CDKAL1: variants seen among roughly 807,000 people sequenced by gnomAD.
CDKAL1 encodes threonylcarbamoyladenosine tRNA methylthiotransferase.
Under a neutral mutation model 68.2 loss-of-function variants are expected in CDKAL1, and 32 were observed. The ratio of observed to expected loss-of-function variants is 0.47; its 90% CI spans 0.35 to 0.63. The LOEUF is 0.63. Among genes scored for constraint, CDKAL1 ranks in the 30% least tolerant of loss-of-function variants. CDKAL1 has a pLI of 0.00. For synonymous variants in CDKAL1, 234 were observed against 244.3 expected (o/e 0.96, Z 0.39); for missense variants, 606 against 696.7 (o/e 0.87, Z 1.47).
chr6:20,682,008 A>C (rs1770399414), intron 5 of CDKAL1, among the ~76,000 whole-genome samples: 1 of 152,234 alleles, frequency 6.6e-6, no homozygotes, highest in Non-Finnish European at 1.5e-5. Context: ...ACACAGTGGA[A>C]GGGGCAAGGC....
intron 9 of CDKAL1, among the ~76,000 whole-genome samples, chr6:20,896,373 C>T (rs1015095712): frequency 6.6e-6 from 1 of 152,136 alleles, no homozygotes; most frequent in East Asian, 1.9e-4. Context: ...GCTGGGATTA[C>T]AGGTGTGAGC....
chr6:20,796,868 T>TA (rs1304612226), intron 8 of CDKAL1, among the ~76,000 whole-genome samples: 5 of 152,180 alleles, frequency 3.3e-5, no homozygotes, highest in African/African-American at 7.2e-5. Flanking sequence ...ATGTAAAATG[T>TA]AAAACCTTTT....
At chr6:21,006,559 C>T (rs1435764237) in intron 11 of CDKAL1, among the ~76,000 whole-genome samples, 1 of 152,144 alleles carries the variant, frequency 6.6e-6, no homozygotes, top group East Asian at 1.9e-4. Flanking sequence ...AAGTTCTTTT[C>T]CCTTCTCTCC....
At chr6:20,903,749 A>T (rs1209695465) in intron 9 of CDKAL1, among the ~76,000 whole-genome samples, 1 of 152,212 alleles carries the variant, frequency 6.6e-6, no homozygotes, top group East Asian at 1.9e-4. Context: ...TTGTTTTTTC[A>T]TAATAAACAT....
intron 8 of CDKAL1, among the ~76,000 whole-genome samples, chr6:20,829,086 T>C (rs1581659084): frequency 6.6e-6 from 1 of 152,226 alleles, no homozygotes; most frequent in Non-Finnish European, 1.5e-5. Context: ...CATCTGTTGA[T>C]TGACATTTGG....
chr6:20,599,329 A>T (rs1272498615), intron 4 of CDKAL1: 1 of 452,284 alleles, frequency 2.2e-6, no homozygotes, highest in African/African-American at 2.0e-5. Context: ...TTATTGTTAT[A>T]CTTGGAAATA....
At chr6:20,897,652 C>A (rs112023474) in intron 9 of CDKAL1, among the ~76,000 whole-genome samples, 1 of 151,880 alleles carries the variant, frequency 6.6e-6, no homozygotes, top group Non-Finnish European at 1.5e-5. Context: ...ACAACATTAT[C>A]CTAATTATAT....
rs1763618744 is a variant in CDKAL1, at chr6:20,546,661, C to G, written c.173+138C>G. 3 of 599,942 alleles carry G rather than the reference C, an allele frequency of 5.0e-6. No individual in the cohort carries two copies. The South Asian group carries it at 6.3e-5, about 13-fold the overall frequency. The allele number at this position is 599,942 out of a possible 1,614,324, so 37.2% of individuals were successfully genotyped here. ...CTCCTCCTCCTGGATTCAAGCTATT[C>G]TCCTGCCTCTGCCTCCCTAGTAGCT... On this transcript the variant is annotated intron_variant, in intron 3 of 15. Transcript: ENST00000274695.
At chr6:20,779,929 G>T (rs1393384729) in intron 7 of CDKAL1, among the ~76,000 whole-genome samples, 1 of 151,744 alleles carries the variant, frequency 6.6e-6, no homozygotes, top group Non-Finnish European at 1.5e-5. Context: ...ATAGGCTATG[G>T]GATATACCTC....
At chr6:20,836,425 A>G (rs967401136) in intron 8 of CDKAL1, among the ~76,000 whole-genome samples, 2 of 152,236 alleles carry the variant, frequency 1.3e-5, no homozygotes, top group Non-Finnish European at 2.9e-5. Flanking sequence ...GTTGAAAAGA[A>G]TAGAATCTGG....
intron 10 of CDKAL1, among the ~76,000 whole-genome samples, chr6:20,974,790 G>A (rs1304194299): frequency 7.0e-6 from 1 of 142,548 alleles, no homozygotes; most frequent in Non-Finnish European, 1.5e-5. Flanking sequence ...ACCAGACTGG[G>A]CAACATAGCA....
chr6:21,012,258 G>C (rs1281187289), intron 11 of CDKAL1, among the ~76,000 whole-genome samples: 1 of 152,198 alleles, frequency 6.6e-6, no homozygotes, highest in African/African-American at 2.4e-5. Flanking sequence ...TGTTTAGTTT[G>C]AGTTTTTTGT....
intron 11 of CDKAL1, among the ~76,000 whole-genome samples, chr6:21,023,582 A>G (rs1051282539): frequency 1.3e-5 from 2 of 152,006 alleles, no homozygotes; most frequent in Non-Finnish European, 2.9e-5. Context: ...CTTTCCTTTT[A>G]TAATTTTGAA....
intron 12 of CDKAL1, among the ~76,000 whole-genome samples, chr6:21,089,551 T>C (rs1039860893): frequency 1.8e-5 from 2 of 112,120 alleles, no homozygotes; most frequent in African/African-American, 6.7e-5. Flanking sequence ...TGTAGATCCT[T>C]TGGATTGGCC....
chr6:21,129,218 G>GAA (rs201281999), intron 13 of CDKAL1, among the ~76,000 whole-genome samples: 6 of 151,394 alleles, frequency 4.0e-5, no homozygotes, highest in East Asian at 3.9e-4. Flanking sequence ...TAGATATCTG[G>GAA]AAAAAAACAT....
chr6:20,873,548 C>T (rs866178252), intron 9 of CDKAL1, among the ~76,000 whole-genome samples: 22 of 152,128 alleles, frequency 1.4e-4, no homozygotes, highest in African/African-American at 4.8e-4. Flanking sequence ...AAACAATTTC[C>T]TCAAATTTAC....
At chr6:21,048,630 G>T (rs201337) in intron 11 of CDKAL1, among the ~76,000 whole-genome samples, 1 of 151,736 alleles carries the variant, frequency 6.6e-6, no homozygotes, top group Non-Finnish European at 1.5e-5. Flanking sequence ...CTATTTTTTG[G>T]TAACACTTCC....
intron 15 of CDKAL1, among the ~76,000 whole-genome samples, chr6:21,230,080 G>A (rs1388770471): frequency 4.6e-5 from 7 of 152,218 alleles, no homozygotes; most frequent in South Asian, 2.1e-4. Context: ...CACTCTTGGC[G>A]CAGCCCTCCT....
At chr6:20,811,785 T>TG (rs1554124906) in intron 8 of CDKAL1, among the ~76,000 whole-genome samples, 83 of 103,632 alleles carry the variant, frequency 8.0e-4, no homozygotes, top group South Asian at 1.4e-3. Flanking sequence ...TACCTAGTAG[T>TG]AAAAAAAAAA....
Sources: gnomAD v4.1 joint callset for allele counts (sites outside exome capture counted in the v4.1 genomes callset) on GRCh38, gnomAD v4.1.1 for gene constraint, MANE v1.5 for transcripts, NCBI Gene and HGNC (gene_info 2026-07-23, HGNC 2026-07-21) for gene names.